DLGAP1: variants seen among roughly 807,000 people sequenced by gnomAD.
DLGAP1 encodes the protein DLG associated protein 1.
Under a neutral mutation model 90.8 loss-of-function variants are expected in DLGAP1, and 11 were observed. That is an observed-to-expected ratio of 0.12 (90% CI 0.08 to 0.20). The LOEUF (loss-of-function observed/expected upper bound fraction) is 0.20. DLGAP1 is among the 10% of genes least tolerant of loss of function. The probability of loss-of-function intolerance (pLI) is 1.00; values close to 1 mark genes in which losing one functional copy is unlikely to be tolerated. For synonymous variants in DLGAP1, 558 were observed against 540.7 expected (o/e 1.03, Z -0.44); for missense variants, 1,050 against 1,333.8 (o/e 0.79, Z 3.31).
chr18:4,200,884 G>A (rs576691192), intron 1 of DLGAP1, among the ~76,000 whole-genome samples: 23 of 152,082 alleles, frequency 1.5e-4, no homozygotes, highest in African/African-American at 5.1e-4. Context: ...TGACATAAAG[G>A]ATTTATTTCA....
chr18:3,571,440 C>T (rs1568217523), intron 8 of DLGAP1: 1 of 152,028 alleles, frequency 6.6e-6, no homozygotes, highest in Non-Finnish European at 1.5e-5. Flanking sequence ...CCCAAGACTC[C>T]TGGGCTCATG....
At chr18:4,049,091 G>A (rs1323050113) in intron 2 of DLGAP1, among the ~76,000 whole-genome samples, 2 of 152,018 alleles carry the variant, frequency 1.3e-5, no homozygotes, top group African/African-American at 2.4e-5. Context: ...GCTGGGTGTG[G>A]TGGCACATCT....
At chr18:3,995,048 A>G (rs946408863) in intron 3 of DLGAP1, among the ~76,000 whole-genome samples, 13 of 152,236 alleles carry the variant, frequency 8.5e-5, no homozygotes, top group African/African-American at 1.7e-4. Flanking sequence ...AATGTAGCAT[A>G]AAGTCACTAC....
chr18:3,739,868 T>C (rs1182475328), intron 6 of DLGAP1, among the ~76,000 whole-genome samples: 2 of 152,198 alleles, frequency 1.3e-5, no homozygotes. Flanking sequence ...AGCTGGCCAT[T>C]CTTTCTGTAT....
At chr18:3,976,211 A>ATAATAG (rs1555717723) in intron 3 of DLGAP1, among the ~76,000 whole-genome samples, 10 of 148,910 alleles carry the variant, frequency 6.7e-5, no homozygotes, top group African/African-American at 1.5e-4. Context: ...AATAATAATA[A>ATAATAG]TAATAATAAC....
intron 7 of DLGAP1, among the ~76,000 whole-genome samples, chr18:3,630,987 TA>T (rs1469265805): frequency 3.3e-5 from 5 of 152,234 alleles, no homozygotes; most frequent in East Asian, 1.9e-4. Context: ...TTTTTATTTT[TA>T]TTTTTTTTAT....
At chr18:3,507,736 G>GTTTTTTTTTTTTTTT (rs386386884) in intron 11 of DLGAP1, among the ~76,000 whole-genome samples, 1 of 89,964 alleles carries the variant, frequency 1.1e-5, no homozygotes, top group African/African-American at 4.3e-5. Flanking sequence ...ATTCTTGAAG[G>GTTTTTTTTTTTTTTT]TTTTTTTTTT....
At chr18:4,226,607 A>C (rs2078193070) in intron 1 of DLGAP1, among the ~76,000 whole-genome samples, 1 of 151,458 alleles carries the variant, frequency 6.6e-6, no homozygotes, top group Admixed American at 6.6e-5. Context: ...TAATTTGTTT[A>C]TATAATCAGT....
intron 2 of DLGAP1, among the ~76,000 whole-genome samples, chr18:4,128,865 T>C (rs1257169913): frequency 6.6e-6 from 1 of 152,184 alleles, no homozygotes; most frequent in Non-Finnish European, 1.5e-5. Context: ...CTGAAGACCT[T>C]GACTGAACAA....
At position 3,499,012 on chromosome 18, in the gene DLGAP1, G is replaced by A; in HGVS notation, c.*173C>T. On this transcript the variant is annotated 3_prime_UTR_variant, in exon 13 of 13. Coordinates refer to ENST00000315677, the MANE Select transcript of DLGAP1 (RefSeq NM_004746.4). This position sits in a 1 kb window ranked among gnomAD's most constrained non-coding sequence, Gnocchi z 6.4. Reference sequence around the variant, plus strand: ...TGGGCAAACGGGTACGGGAAGTGGGGGGCTGAGGGGGGCCCGGGGGGCGGC... The same window carrying A: ...TGGGCAAACGGGTACGGGAAGTGGGAGGCTGAGGGGGGCCCGGGGGGCGGC... 1 of 589,044 alleles carries A rather than the reference G, an allele frequency of 1.7e-6. No individual in the cohort carries two copies. The highest frequency in any genetic ancestry group is 2.9e-6 in the Non-Finnish European group (1 of 342,546). The allele number at this position is 589,044 out of a possible 1,614,324, so 36.5% of individuals were successfully genotyped here. A position where few individuals can be genotyped will look rare whatever the true frequency, so the allele number is the denominator to read the frequency against.
At position 3,534,530 on chromosome 18, in the gene DLGAP1, C is replaced by T; in HGVS notation, c.2143G>A (p.Glu715Lys). The change falls in exon 10 of 13, where the codon GAA becomes AAA. Residue 715 changes from glutamate (E) to lysine (K), a missense_variant. Glu to Lys is a moderately conservative substitution (Grantham distance 56). Around this residue, in one of 2 missense-constraint regions of DLGAP1, gnomAD observed 565 missense variants for 879.7 expected, o/e 0.64. Coordinates refer to ENST00000315677, the MANE Select transcript of DLGAP1 (RefSeq NM_004746.4). The stretch of plus-strand genomic sequence containing the variant: ...GGACACGAATTGTCCTCTATAGATT[C>T]CAGAGAATTTTCCAGATTATCATGG... ...DFHDNLENSLESIEDNSCPGP... is the reference protein window; with the variant it reads ...DFHDNLENSLKSIEDNSCPGP... 4 of 1,614,130 alleles carry T rather than the reference C, an allele frequency of 2.5e-6. No homozygotes were observed. Among genetic ancestry groups the T allele is most frequent in the Non-Finnish European group, 3.4e-6 (4 of 1,179,984 alleles).
Position 3,972,373 on chromosome 18 carries a change from A to C in DLGAP1, c.-73+32743T>G, listed in dbSNP as rs371733808. 4.1e-4 allele frequency among the ~76,000 whole-genome samples: 62 copies of C among 152,190 alleles called. No homozygotes were observed. In the East Asian group the frequency reaches 8.2e-3, roughly 20 times the overall value. Reference sequence around the variant, plus strand: ...TTTAAAAATAATTTTAAAAAATTATATCTATCTATATCAGTTTATATATAA... The same window carrying C: ...TTTAAAAATAATTTTAAAAAATTATCTCTATCTATATCAGTTTATATATAA... On this transcript the variant is annotated intron_variant, in intron 3 of 12. Coordinates refer to ENST00000315677, the MANE Select transcript of DLGAP1 (RefSeq NM_004746.4).
intron 6 of DLGAP1, among the ~76,000 whole-genome samples, chr18:3,733,949 T>A (rs2062541439): frequency 6.6e-6 from 1 of 152,194 alleles, no homozygotes; most frequent in Non-Finnish European, 1.5e-5. Flanking sequence ...AAATCCAAAG[T>A]GTTTTTAAAG....
chr18:4,451,418 G>T (rs1275523938), intron 1 of DLGAP1, among the ~76,000 whole-genome samples: 1 of 152,164 alleles, frequency 6.6e-6, no homozygotes, highest in African/African-American at 2.4e-5. Flanking sequence ...TTACATCTTA[G>T]AAGCAAAAGA....
intron 3 of DLGAP1, among the ~76,000 whole-genome samples, chr18:3,922,979 TA>T (rs1039710594): frequency 4.0e-5 from 6 of 151,460 alleles, no homozygotes; most frequent in Non-Finnish European, 8.8e-5. Flanking sequence ...ACCAAAAATA[TA>T]AAAATTAGCT....
At chr18:3,598,141 G>A (rs2056689587) in intron 7 of DLGAP1, 1 of 152,338 alleles carries the variant, frequency 6.6e-6, no homozygotes, top group Admixed American at 6.5e-5. Context: ...ACAAGGTCAA[G>A]AGATCAAGAC....
At chr18:3,905,290 C>T (rs1264540679) in intron 3 of DLGAP1, among the ~76,000 whole-genome samples, 12 of 138,670 alleles carry the variant, frequency 8.7e-5, no homozygotes, top group Non-Finnish European at 4.6e-5. Context: ...TGGCGTGAAC[C>T]CGGGAGTTGG....
rs1194582237 is a variant in DLGAP1, at chr18:3,526,604, C to T, written c.2479+7590G>A. Among the ~76,000 whole-genome samples the T allele has an allele frequency of 1.3e-5, 2 of 152,230 alleles. No individual in the cohort carries two copies. The highest frequency in any genetic ancestry group is 1.9e-4 in the East Asian group (1 of 5,202). ...TTTCAGATAAAGCCTGAAAATTCCA[C>T]GTATTTGTTGTCTACAATTCAGAAG... On this transcript the variant is annotated intron_variant, in intron 10 of 12. Coordinates refer to ENST00000315677, the MANE Select transcript of DLGAP1 (RefSeq NM_004746.4). This position sits in a 1 kb window ranked among gnomAD's most constrained non-coding sequence, Gnocchi z 4.7.
chr18:4,363,631 T>C (rs2081682592), intron 1 of DLGAP1, among the ~76,000 whole-genome samples: 1 of 152,190 alleles, frequency 6.6e-6, no homozygotes, highest in African/African-American at 2.4e-5. Context: ...AAGACATTTA[T>C]GCAGTCAAAA....
Sources: gnomAD v4.1 joint callset for allele counts (sites outside exome capture counted in the v4.1 genomes callset) on GRCh38, gnomAD v4.1.1 for gene constraint, gnomAD v4.1.1 regional missense constraint, Gnocchi (gnomAD v3.1) non-coding constraint, MANE v1.5 for transcripts, NCBI Gene and HGNC (gene_info 2026-07-23, HGNC 2026-07-21) for gene names.